ADAMTS20: variants seen among roughly 807,000 people sequenced by gnomAD.
ADAMTS20 encodes the protein A disintegrin and metalloproteinase with thrombospondin motifs 20.
In ADAMTS20, 225 loss-of-function variants were observed where a neutral mutation model predicts 260.1. That is an observed-to-expected ratio of 0.87 (90% CI 0.78 to 0.97). The LOEUF (loss-of-function observed/expected upper bound fraction) is 0.97, where lower values mean the gene tolerates loss of function less well. Ranked by LOEUF, ADAMTS20 falls within the 50% of genes least tolerant of loss-of-function variation. ADAMTS20 has a pLI of 0.00. For missense variants in ADAMTS20, 2,400 were observed against 2,337.7 expected (o/e 1.03, Z -0.55); for synonymous variants, 802 against 769.5 (o/e 1.04, Z -0.70).
intron 28 of ADAMTS20, among the ~76,000 whole-genome samples, chr12:43,414,305 C>T (rs1941089149): frequency 6.6e-6 from 1 of 152,096 alleles, no homozygotes; most frequent in Non-Finnish European, 1.5e-5. Context: ...CATATTTGTT[C>T]ACTTTAATCC....
chr12:43,418,443 G>A (rs1393992367), intron 28 of ADAMTS20, among the ~76,000 whole-genome samples: 1 of 152,068 alleles, frequency 6.6e-6, no homozygotes, highest in Non-Finnish European at 1.5e-5. Flanking sequence ...CTGAGTAGCT[G>A]GGATTACAGG....
chr12:43,495,824 T>C (rs1942670513), intron 4 of ADAMTS20, among the ~76,000 whole-genome samples: 1 of 152,228 alleles, frequency 6.6e-6, no homozygotes, highest in Non-Finnish European at 1.5e-5. Flanking sequence ...AAATAGTATA[T>C]TTCATTAAAT....
intron 4 of ADAMTS20, among the ~76,000 whole-genome samples, chr12:43,498,016 A>T (rs1220055845): frequency 6.6e-6 from 1 of 152,194 alleles, no homozygotes; most frequent in Admixed American, 6.5e-5. Flanking sequence ...TAGTAGCTTA[A>T]TAATGCATAT....
chr12:43,456,724 T>C (rs1941970698), intron 11 of ADAMTS20, among the ~76,000 whole-genome samples: 1 of 152,168 alleles, frequency 6.6e-6, no homozygotes, highest in South Asian at 2.1e-4. Flanking sequence ...TGCTGTGTCA[T>C]TCCCTACTGG....
chr12:43,490,627 G>A (rs528982735), intron 6 of ADAMTS20, among the ~76,000 whole-genome samples, 192 bp from the exon 7 acceptor site: 5 of 152,050 alleles, frequency 3.3e-5, no homozygotes, highest in South Asian at 2.1e-4. Context: ...TAAGCAATAC[G>A]TACTATAAAA....
intron 16 of ADAMTS20, among the ~76,000 whole-genome samples, chr12:43,443,424 A>T (rs1015244843): frequency 6.6e-6 from 1 of 152,122 alleles, no homozygotes; most frequent in East Asian, 1.9e-4. Context: ...GTAAAAAAAA[A>T]TTAAGAAAAT....
intron 29 of ADAMTS20, among the ~76,000 whole-genome samples, chr12:43,391,715 T>A (rs963418067): frequency 1.3e-5 from 2 of 152,156 alleles, no homozygotes; most frequent in African/African-American, 2.4e-5. Context: ...GTTCATTATT[T>A]CTGCAGGATT....
intron 4 of ADAMTS20, among the ~76,000 whole-genome samples, chr12:43,494,720 C>T (rs144651438): frequency 0.014 from 2,104 of 152,000 alleles, 52 homozygotes; most frequent in African/African-American, 0.048. Context: ...AAAATAGGAG[C>T]TGTGAATTTA....
chr12:43,483,087 T>A (rs184498997), intron 7 of ADAMTS20, among the ~76,000 whole-genome samples: 2 of 152,308 alleles, frequency 1.3e-5, no homozygotes, highest in East Asian at 3.9e-4. Context: ...TCTCAGAGTC[T>A]ACGTCACTCC....
Position 43,399,218 on chromosome 12 carries a change from C to A in ADAMTS20, c.4300G>T (p.Gly1434Cys). The stretch of plus-strand genomic sequence containing the variant: ...ACTTCACGGTACTTTCTACCTTTAC[C>A]ACAAGAAGCTGAGCACTAGAAAAGA... ...EPWTSCSASC[G>C]KGRKYREVFC... The change falls in exon 29 of 39, where the codon GGT becomes TGT. Residue 1434 changes from glycine (G) to cysteine (C), a missense_variant. Physicochemically the swap from Gly to Cys is radical, Grantham distance 159 (BLOSUM62 -3). Transcript: ENST00000389420. 1 of 1,533,088 alleles carries A rather than the reference C, an allele frequency of 6.5e-7. No individual in the cohort carries two copies. The highest frequency in any genetic ancestry group is 2.1e-5 in the Admixed American group (1 of 46,794). The allele number at this position is 1,533,088 out of a possible 1,614,324, so 95.0% of individuals were successfully genotyped here.
rs187650228 is a variant in ADAMTS20, at chr12:43,543,937, T to C, written c.453+6972A>G. Reference sequence around the variant, plus strand: ...ATAAATTATATAGCTCATAAACATATTTGTAATTAATAAACAATATTTTTC... The same window carrying C: ...ATAAATTATATAGCTCATAAACATACTTGTAATTAATAAACAATATTTTTC... On this transcript the variant is annotated intron_variant, in intron 2 of 38. Coordinates refer to ENST00000389420, the MANE Select transcript of ADAMTS20 (RefSeq NM_025003.5). Among the ~76,000 whole-genome samples the C allele has an allele frequency of 5.3e-5, 8 of 152,292 alleles. No individual in the cohort carries two copies. In the South Asian group the frequency reaches 1.2e-3, roughly 24 times the overall value.
intron 3 of ADAMTS20, among the ~76,000 whole-genome samples, chr12:43,508,911 C>A (rs1459667837): frequency 6.6e-6 from 1 of 152,046 alleles, no homozygotes; most frequent in Admixed American, 6.6e-5. Context: ...CTCCCTCCCC[C>A]AACCCTGACA....
At chr12:43,524,533 G>T (rs1943115124) in intron 3 of ADAMTS20, among the ~76,000 whole-genome samples, 1 of 149,334 alleles carries the variant, frequency 6.7e-6, no homozygotes, top group Non-Finnish European at 1.5e-5. Flanking sequence ...GCCAGATAAA[G>T]AATTCAAAAT....
chr12:43,453,984 T>C lies in ADAMTS20; in HGVS notation c.1683A>G (p.Pro561=). 2 of 1,613,714 alleles carry C rather than the reference T, an allele frequency of 1.2e-6. No individual in the cohort carries two copies. Among genetic ancestry groups the C allele is most frequent in the South Asian group, 1.1e-5 (1 of 91,012 alleles). ...TTGAACAAGAACTGTAAGGTTCCCA[T>C]GGTCCCCATTCACCATTTACAGGAC... ...ETRPVNGEWG[P]WEPYSSCSRT... is the part of the protein sequence containing the mutation. The change falls in exon 12 of 39, where the codon CCA becomes CCG. Residue 561 remains proline, a synonymous_variant. Coordinates refer to ENST00000389420, the MANE Select transcript of ADAMTS20 (RefSeq NM_025003.5).
chr12:43,462,803 G>T, intron 11 of ADAMTS20, 92 bp downstream of exon 11: 2 of 1,004,046 alleles, frequency 2.0e-6, no homozygotes, highest in South Asian at 1.6e-5. Flanking sequence ...AAGAAAAGTT[G>T]ACAGCAAATA....
chr12:43,465,789 T>C (rs1355428756), intron 9 of ADAMTS20, among the ~76,000 whole-genome samples: 1 of 152,082 alleles, frequency 6.6e-6, no homozygotes, highest in African/African-American at 2.4e-5. Flanking sequence ...GTTGTGCTTT[T>C]AAGTCAAGCT....
chr12:43,451,118 C>G, intron 14 of ADAMTS20, among the ~76,000 whole-genome samples: 1 of 152,106 alleles, frequency 6.6e-6, no homozygotes, highest in South Asian at 2.1e-4. Flanking sequence ...GGAAACCTTG[C>G]CATTTGTGAC....
intron 31 of ADAMTS20, among the ~76,000 whole-genome samples, chr12:43,381,750 C>T (rs1218625348): frequency 1.6e-5 from 2 of 126,380 alleles, no homozygotes; most frequent in East Asian, 2.3e-4. Context: ...CACCGCACTC[C>T]AGCTTGGGCA....
chr12:43,455,595 T>G (rs1298716464), intron 11 of ADAMTS20, among the ~76,000 whole-genome samples: 1 of 152,180 alleles, frequency 6.6e-6, no homozygotes, highest in Admixed American at 6.5e-5. Flanking sequence ...ACTGTTACAC[T>G]GGCAATTAAA....
Sources: allele counts gnomAD v4.1 joint callset (sites outside exome capture counted in the v4.1 genomes callset), GRCh38; gene constraint gnomAD v4.1.1; transcripts MANE v1.5; gene names NCBI Gene and HGNC (gene_info 2026-07-23, HGNC 2026-07-21).